TMEM63A: variants seen among roughly 807,000 people sequenced by gnomAD.
TMEM63A encodes mechanosensitive cation channel TMEM63A.
Under a neutral mutation model 100.6 loss-of-function variants are expected in TMEM63A, and 76 were observed. The observed-to-expected ratio is 0.76, with a 90% CI of 0.63 to 0.91. TMEM63A has a LOEUF of 0.91. TMEM63A is among the 40% of genes least tolerant of loss of function. The probability of loss-of-function intolerance (pLI) is 0.00; values close to 1 mark genes in which losing one functional copy is unlikely to be tolerated. For synonymous variants in TMEM63A, 401 were observed against 401.1 expected (o/e 1.00, Z 0.00); for missense variants, 876 against 1,008.8 (o/e 0.87, Z 1.78).
In TMEM63A at chr1:225,848,975, C is replaced by A; in HGVS notation, c.2109G>T (p.Val703=). 1 of 1,603,876 alleles carries A rather than the reference C, an allele frequency of 6.2e-7. No homozygotes were observed. The highest frequency in any genetic ancestry group is 8.5e-7 in the Non-Finnish European group (1 of 1,176,084). ...KAPATLFTFL[V]LLLTILVCLA... ...GGCAGACCAGGATGGTGAGCAGCAG[C>A]ACCAGGAAGGTGAACAGAGTGGCGG... The change falls in exon 22 of 25, where the codon GTG becomes GTT. Residue 703 remains valine, a synonymous_variant. Transcript: ENST00000366835.
At chr1:225,877,705 C>T (rs1186087934) in intron 2 of TMEM63A, 111 bp from the exon 3 acceptor site, 3 of 1,102,570 alleles carry the variant, frequency 2.7e-6, no homozygotes, top group East Asian at 2.6e-5. Flanking sequence ...ACTGATCGGG[C>T]AGTGAGCCAG....
At chr1:225,872,092 T>C (rs1670535883) in intron 4 of TMEM63A, 39 bp from the exon 5 acceptor site, 1 of 1,466,894 alleles carries the variant, frequency 6.8e-7, no homozygotes, top group Non-Finnish European at 9.3e-7. Context: ...AGATAATTCT[T>C]AGAAAAAAAA....
Position 225,850,062 on chromosome 1 carries a change from G to C in TMEM63A, c.1921C>G (p.Leu641Val). 6.2e-7 allele frequency: 1 copy of C among 1,614,206 alleles called. No homozygotes were observed. Among genetic ancestry groups the C allele is most frequent in the Non-Finnish European group, 8.5e-7 (1 of 1,180,030 alleles). ...TTGTGCCGGTCCACCATGTGCTTGA[G>C]CAGGATGTAGATGAGGCCTGCAGGG... ...IAPFGLIYIL[L>V]KHMVDRHNLY... The change falls in exon 21 of 25, where the codon CTC (leucine) becomes GTC (valine). Residue 641 changes from leucine (L) to valine (V), a missense_variant. By Grantham distance (32) the Leu-to-Val change is conservative. Transcript: ENST00000366835.
Position 225,867,445 on chromosome 1 carries a change from A to T in TMEM63A, c.515-282T>A, listed in dbSNP as rs980682713. 6.6e-6 allele frequency among the ~76,000 whole-genome samples: 1 copy of T among 152,236 alleles called. No homozygotes were observed. The highest frequency in any genetic ancestry group is 2.4e-5 in the African/African-American group (1 of 41,462). ...AACATCCTATGTTGTTACAAAACCA[A>T]CGTTGGGAACCACTGGGTATCCTAA... is the stretch of plus-strand genomic sequence containing the variant. On this transcript the variant is annotated intron_variant, in intron 7 of 24. Coordinates refer to ENST00000366835, the MANE Select transcript of TMEM63A (RefSeq NM_014698.3). The surrounding 1 kb of genome is among the most constrained non-coding windows in gnomAD (Gnocchi z 4.6).
rs571053873 is a variant in TMEM63A, at chr1:225,848,833, C to T, written c.2187+64G>A. Reference sequence around the variant, plus strand: ...AGACAAGGGTGGGCGGGGTTGACAGCGAGCCCGTCCCACCATCTGTTCCTC... The same window carrying T: ...AGACAAGGGTGGGCGGGGTTGACAGTGAGCCCGTCCCACCATCTGTTCCTC... On this transcript the variant is annotated intron_variant, in intron 22 of 24. Coordinates refer to ENST00000366835, the MANE Select transcript of TMEM63A (RefSeq NM_014698.3). 25 of 1,322,728 alleles carry T rather than the reference C, an allele frequency of 1.9e-5. 1 individual carries two copies. The East Asian group carries it at 5.0e-4, about 27-fold the overall frequency. The allele number at this position is 1,322,728 out of a possible 1,614,324, so 81.9% of individuals were successfully genotyped here. A position where few individuals can be genotyped will look rare whatever the true frequency, so the allele number is the denominator to read the frequency against.
In TMEM63A at chr1:225,856,663, C is replaced by A; in HGVS notation, c.1560G>T (p.Leu520=). ...LIFMVLILPS[L]GLTSLDFFFR... ...GTGGTGGCATATACCTGGTGAGACC[C>A]AGGGAGGGCAGGATCAGCACCATGA... Residue 520 remains leucine (L), a synonymous_variant, in exon 17 of 25, where the codon CTG becomes CTT. Coordinates refer to ENST00000366835, the MANE Select transcript of TMEM63A (RefSeq NM_014698.3). 6.2e-7 allele frequency: 1 copy of A among 1,613,394 alleles called. No homozygotes were observed. The highest frequency in any genetic ancestry group is 8.5e-7 in the Non-Finnish European group (1 of 1,179,846).
intron 5 of TMEM63A, chr1:225,871,504 A>G (rs1475441430): frequency 4.6e-6 from 1 of 219,228 alleles, no homozygotes; most frequent in African/African-American, 2.3e-5. Flanking sequence ...GGGTGTCTGC[A>G]GGTTTTATTG....
intron 4 of TMEM63A, among the ~76,000 whole-genome samples, chr1:225,873,342 T>C (rs1291940042): frequency 6.6e-6 from 1 of 152,094 alleles, no homozygotes; most frequent in African/African-American, 2.4e-5. Flanking sequence ...CTTTAGCAAA[T>C]CCCAGAGCAG....
At chr1:225,851,402 G>A (rs1055936535) in intron 20 of TMEM63A, among the ~76,000 whole-genome samples, 12 of 151,978 alleles carry the variant, frequency 7.9e-5, no homozygotes, top group East Asian at 3.9e-4. Context: ...ATGGAGTCTC[G>A]CTCATTGGTC....
chr1:225,848,500 G>A lies in TMEM63A; in HGVS notation c.2242C>T (p.Pro748Ser). ...TGAGGGGCACAGCTTACTGTGAACG[G>A]TGGGGGCATGTGGGCCTCTGCCTCA... is the stretch of plus-strand genomic sequence containing the variant. ...GSEAEAHMPPPFTPYVPRILN... is the reference protein window; with the variant it reads ...GSEAEAHMPPSFTPYVPRILN... The change falls in exon 23 of 25, where the codon CCG becomes TCG. Residue 748 changes from proline to serine, a missense_variant. Coordinates refer to ENST00000366835, the MANE Select transcript of TMEM63A (RefSeq NM_014698.3). 1 of 1,614,158 alleles carries A rather than the reference G, an allele frequency of 6.2e-7. No homozygotes were observed. Among genetic ancestry groups the A allele is most frequent in the Non-Finnish European group, 8.5e-7 (1 of 1,180,042 alleles).
chr1:225,863,888 C>T (rs1670066394), intron 10 of TMEM63A: 1 of 128,290 alleles, frequency 7.8e-6, no homozygotes, highest in South Asian at 2.6e-4. Context: ...GCACTCCAGC[C>T]TGGGCAACAG....
At chr1:225,845,478 C>T, downstream of TMEM63A, 1 of 878,620 alleles carries the variant, frequency 1.1e-6, no homozygotes, top group East Asian at 2.6e-5. Flanking sequence ...CACGCTCACC[C>T]CCTCACCCCT....
Position 225,861,014 on chromosome 1 carries a change from C to A in TMEM63A, c.1086-17G>T. On this transcript the variant is annotated splice_polypyrimidine_tract_variant and intron_variant, in intron 13 of 24. Transcript: ENST00000366835. ...TTCAGGATGCTGCAAGGAAATGTAGCAACAGCCAGGCCCAGGCTACTCAGG... is the reference window on the plus strand; with the variant it reads ...TTCAGGATGCTGCAAGGAAATGTAGAAACAGCCAGGCCCAGGCTACTCAGG... 1 of 1,599,846 alleles carries A rather than the reference C, an allele frequency of 6.3e-7. No individual in the cohort carries two copies. The highest frequency in any genetic ancestry group is 8.5e-7 in the Non-Finnish European group (1 of 1,172,576).
chr1:225,871,521 A>G (rs1670506720), intron 5 of TMEM63A: 1 of 214,966 alleles, frequency 4.7e-6, no homozygotes, highest in South Asian at 1.0e-4. Context: ...ATTGTCCTTC[A>G]CATCTCTTAA....
At chr1:225,840,777 A>T (rs1032898634), downstream of TMEM63A, 1 of 153,316 alleles carries the variant, frequency 6.5e-6, no homozygotes, top group African/African-American at 2.4e-5. Flanking sequence ...TCTGCTAGGT[A>T]ACTCCCTAGA....
At chr1:225,872,114 A>C in intron 4 of TMEM63A, 61 bp from the exon 5 acceptor site, 1 of 1,295,218 alleles carries the variant, frequency 7.7e-7, no homozygotes, top group Non-Finnish European at 1.1e-6. Flanking sequence ...AAAGCCAAAC[A>C]AGTCAAAAAG....
In TMEM63A at chr1:225,849,001, G is replaced by T; in HGVS notation, c.2083C>A (p.Pro695Thr). The part of the protein sequence containing the change: ...FSFLRLGMKA[P>T]ATLFTFLVLL... ...ACCAGGAAGGTGAACAGAGTGGCGG[G>T]GGCCTTCATACCTGGTGATAGAGGG... Residue 695 changes from proline (P) to threonine (T), a missense_variant, in exon 22 of 25, where the codon CCC (proline) becomes ACC (threonine). Physicochemically the swap from Pro to Thr is conservative, Grantham distance 38. Coordinates refer to ENST00000366835, the MANE Select transcript of TMEM63A (RefSeq NM_014698.3). 1.9e-6 allele frequency: 3 copies of T among 1,585,118 alleles called. No individual in the cohort carries two copies. The highest frequency in any genetic ancestry group is 2.6e-6 in the Non-Finnish European group (3 of 1,166,254).
chr1:225,874,344 A>G lies in TMEM63A; in HGVS notation c.210T>C (p.Ile70=). Residue 70 remains isoleucine, a synonymous_variant, in exon 4 of 25, where the codon ATT becomes ATC. Coordinates refer to ENST00000366835, the MANE Select transcript of TMEM63A (RefSeq NM_014698.3). The part of the protein sequence containing the change: ...CFLFLILVFS[I]IRRRFWDYGR... ...CATAGTCCCAGAATCTTCTTCTTAT[A>G]ATAGAAAACACCAAGATTAAGAACT... 1 of 1,613,834 alleles carries G rather than the reference A, an allele frequency of 6.2e-7. No individual in the cohort carries two copies. Among genetic ancestry groups the G allele is most frequent in the Non-Finnish European group, 8.5e-7 (1 of 1,179,950 alleles).
chr1:225,848,676 G>C, intron 22 of TMEM63A, 122 bp from the exon 23 acceptor site: 6 of 1,114,112 alleles, frequency 5.4e-6, no homozygotes, highest in South Asian at 2.8e-5. Context: ...AAGCTCCCCA[G>C]CAGCCCGAGA....
Sources: gnomAD v4.1 joint callset for allele counts (sites outside exome capture counted in the v4.1 genomes callset) on GRCh38, gnomAD v4.1.1 for gene constraint, Gnocchi (gnomAD v3.1) non-coding constraint, MANE v1.5 for transcripts, NCBI Gene and HGNC (gene_info 2026-07-23, HGNC 2026-07-21) for gene names.